AK7: variants seen among roughly 807,000 people sequenced by gnomAD.
AK7 encodes ATP-AMP transphosphorylase 7.
A neutral mutation model predicts 96.6 loss-of-function variants in AK7; 78 were observed. The ratio of observed to expected loss-of-function variants is 0.81; its 90% CI spans 0.67 to 0.97. The LOEUF (loss-of-function observed/expected upper bound fraction) is 0.97, where lower values mean the gene tolerates loss of function less well. Ranked by LOEUF, AK7 falls within the 50% of genes least tolerant of loss-of-function variation. AK7 has a pLI of 0.00. For synonymous variants in AK7, 302 were observed against 317.2 expected, an observed-to-expected ratio of 0.95 and a Z score of 0.51; for missense variants, 855 against 887.9, an observed-to-expected ratio of 0.96 and a Z score of 0.47.
Position 96,401,344 on chromosome 14 carries a change from G to C in AK7, c.294+3081G>C, listed in dbSNP as rs185026466. On this transcript the variant is annotated intron_variant, in intron 2 of 17. Coordinates refer to ENST00000267584, the MANE Select transcript of AK7 (RefSeq NM_152327.5). ...TCAAATCCCTCCTGCCAAACAGATC[G>C]GGGCCTCCTGTGCTCTGATCTTGAG... 5.3e-5 allele frequency among the ~76,000 whole-genome samples: 8 copies of C among 152,222 alleles called. No homozygotes were observed. The East Asian group carries it at 9.7e-4, about 18-fold the overall frequency.
chr14:96,405,786 G>A (rs1666254348), intron 3 of AK7, among the ~76,000 whole-genome samples: 1 of 152,204 alleles, frequency 6.6e-6, no homozygotes, highest in South Asian at 2.1e-4. Context: ...GGCTTGTAGA[G>A]AGTGCTTGTA....
At chr14:96,396,964 G>A (rs1890116318) in intron 1 of AK7, among the ~76,000 whole-genome samples, 1 of 152,178 alleles carries the variant, frequency 6.6e-6, no homozygotes, top group Non-Finnish European at 1.5e-5. Flanking sequence ...AGGCGTGGTG[G>A]CACACACCTA....
chr14:96,424,476 T>G (rs1891908345), intron 5 of AK7, among the ~76,000 whole-genome samples: 1 of 152,248 alleles, frequency 6.6e-6, no homozygotes, highest in Admixed American at 6.5e-5. Flanking sequence ...GGTACTACTA[T>G]CATCCTCATA....
intron 8 of AK7, among the ~76,000 whole-genome samples, chr14:96,448,070 A>G (rs1893346977): frequency 6.6e-6 from 1 of 151,000 alleles, no homozygotes; most frequent in African/African-American, 2.4e-5. Context: ...CAGAGGTTGC[A>G]GTGAGCCAAG....
intron 11 of AK7, 93 bp downstream of exon 11, chr14:96,456,568 G>A: frequency 6.9e-7 from 1 of 1,457,450 alleles, no homozygotes; most frequent in East Asian, 2.4e-5. Flanking sequence ...TAGCCAGCTG[G>A]ATGCAGTTTA....
At position 96,424,095 on chromosome 14, in the gene AK7, G is replaced by A. The variant is rs572863192; in HGVS notation, c.609+3163G>A. 429 of 678,808 alleles carry A rather than the reference G, an allele frequency of 6.3e-4. 9 individuals carry two copies. The highest frequency in any genetic ancestry group is 5.8e-3 in the South Asian group (398 of 69,160). 42.0% of individuals were successfully genotyped at this position (678,808 alleles called of 1,614,324 possible). ...GTCTGTTCTTCACCTGGGTGGGATC[G>A]GGCACGGTGCTCCGCTCGTCCACCG... On this transcript the variant is annotated intron_variant, in intron 5 of 17. Coordinates refer to ENST00000267584, the MANE Select transcript of AK7 (RefSeq NM_152327.5).
chr14:96,419,857 C>T (rs1272844070), intron 4 of AK7, among the ~76,000 whole-genome samples: 3 of 127,580 alleles, frequency 2.4e-5, no homozygotes, highest in Non-Finnish European at 3.1e-5. Context: ...GGCGCGATTT[C>T]GGCTCACTGC....
At chr14:96,467,269 C>T (rs971011291) in intron 12 of AK7, among the ~76,000 whole-genome samples, 4 of 151,238 alleles carry the variant, frequency 2.6e-5, no homozygotes, top group African/African-American at 9.7e-5. Flanking sequence ...TTAATGTGTC[C>T]ATATTAATTA....
intron 10 of AK7, among the ~76,000 whole-genome samples, chr14:96,452,604 G>T (rs2140115207): frequency 6.6e-6 from 1 of 152,266 alleles, no homozygotes; most frequent in Non-Finnish European, 1.5e-5. Flanking sequence ...GGGATTACAT[G>T]CTTGAGCCAC....
intron 14 of AK7, among the ~76,000 whole-genome samples, chr14:96,475,655 C>T (rs1895131162): frequency 6.6e-6 from 1 of 152,086 alleles, no homozygotes; most frequent in Non-Finnish European, 1.5e-5. Flanking sequence ...AGTCTCTCCC[C>T]AGATCTGTAA....
intron 2 of AK7, among the ~76,000 whole-genome samples, chr14:96,402,507 T>C (rs748544938): frequency 2.0e-5 from 3 of 152,236 alleles, no homozygotes; most frequent in Non-Finnish European, 4.4e-5. Flanking sequence ...ACATCTAGAA[T>C]ACACATCTTT....
intron 7 of AK7, 98 bp downstream of exon 7, chr14:96,442,916 T>TA: frequency 9.5e-7 from 1 of 1,051,402 alleles, no homozygotes. Flanking sequence ...CTAAGACCCT[T>TA]ACATGGATTA....
chr14:96,478,608 G>C lies in AK7; in HGVS notation c.1699G>C (p.Asp567His), dbSNP rs368876091. 6.2e-7 allele frequency: 1 copy of C among 1,614,044 alleles called. No homozygotes were observed. The highest frequency in any genetic ancestry group is 1.3e-5 in the African/African-American group (1 of 74,926). ...CAACTACCGGGACATCAATATCGAC[G>C]ATGAGACTGTCTTCAACTATTTTGA... Reference protein sequence around the residue: ...LSNYRDINIDDETVFNYFDEL... With the variant: ...LSNYRDINIDHETVFNYFDEL... Residue 567 changes from aspartate to histidine, a missense_variant, in exon 15 of 18, where the codon GAT becomes CAT. Transcript: ENST00000267584.
chr14:96,478,624 A>G lies in AK7; in HGVS notation c.1715A>G (p.Asn572Ser). ...DINIDDETVFNYFDELEIHPI... is the reference protein window; with the variant it reads ...DINIDDETVFSYFDELEIHPI... The stretch of plus-strand genomic sequence containing the variant: ...AATATCGACGATGAGACTGTCTTCA[A>G]CTATTTTGATGAACTTGAAATTCAC... The change falls in exon 15 of 18, where the codon AAC becomes AGC. Residue 572 changes from asparagine to serine, a missense_variant. Transcript: ENST00000267584. 6.2e-7 allele frequency: 1 copy of G among 1,614,186 alleles called. No individual in the cohort carries two copies. The highest frequency in any genetic ancestry group is 1.1e-5 in the South Asian group (1 of 91,074).
At chr14:96,481,442 G>A (rs1011920046) in intron 15 of AK7, among the ~76,000 whole-genome samples, 3 of 152,106 alleles carry the variant, frequency 2.0e-5, no homozygotes, top group African/African-American at 7.2e-5. Flanking sequence ...TGCCTCCTGG[G>A]TTCAAGCGTT....
rs71103528 is a variant in AK7 at position 96,448,630 on chromosome 14, TAAAAAAAAAAAA to T, written c.871-1149_871-1138del. On this transcript the variant is annotated intron_variant, in intron 8 of 17. Transcript: ENST00000267584. The stretch of plus-strand genomic sequence containing the variant: ...GGGCAATAGAACAAGACCCTATCTC[TAAAAAAAAAAAA>T]AAAAAAAAAAAAAAAAAAAAAATTA... Among the ~76,000 whole-genome samples, 352 of 74,884 alleles carry T rather than the reference TAAAAAAAAAAAA, an allele frequency of 4.7e-3. 3 individuals carry two copies. Among genetic ancestry groups the T allele is most frequent in the African/African-American group, 0.013 (327 of 25,982 alleles). 49.1% of individuals were successfully genotyped at this position (74,884 alleles called of 152,430 possible).
intron 8 of AK7, among the ~76,000 whole-genome samples, chr14:96,447,312 T>G (rs1363811628): frequency 6.6e-6 from 1 of 152,198 alleles, no homozygotes; most frequent in Non-Finnish European, 1.5e-5. Context: ...ATTATTTATT[T>G]GTTTATTTAC....
At chr14:96,472,353 C>A (rs1242721875) in intron 13 of AK7, among the ~76,000 whole-genome samples, 1 of 152,178 alleles carries the variant, frequency 6.6e-6, no homozygotes, top group Non-Finnish European at 1.5e-5. Flanking sequence ...GGAGGTTTCA[C>A]CCTGTTGCCA....
chr14:96,412,939 A>C (rs1169861903), intron 4 of AK7, among the ~76,000 whole-genome samples: 2 of 152,250 alleles, frequency 1.3e-5, no homozygotes, highest in Non-Finnish European at 2.9e-5. Context: ...TAGGTTGGAA[A>C]AAAATCATTG....
Sources: allele counts gnomAD v4.1 joint callset (sites outside exome capture counted in the v4.1 genomes callset), GRCh38; gene constraint gnomAD v4.1.1; transcripts MANE v1.5; gene names NCBI Gene and HGNC (gene_info 2026-07-23, HGNC 2026-07-21).